The following TRDN variants were observed in gnomAD, a reference collection of about 807,000 sequenced individuals.
TRDN encodes the protein triadin, also known as triadin in skeletal muscle.
Under a neutral mutation model 149.7 loss-of-function variants are expected in TRDN, and 161 were observed. The ratio of observed to expected loss-of-function variants is 1.08; its 90% CI spans 0.95 to 1.23. TRDN has a LOEUF of 1.23. TRDN is among the 50% of genes most tolerant of loss of function. The probability of loss-of-function intolerance (pLI) is 0.00; values close to 1 mark genes in which losing one functional copy is unlikely to be tolerated. For missense variants in TRDN, 896 were observed against 823.5 expected (o/e 1.09, Z -1.08); for synonymous variants, 294 against 250.5 (o/e 1.17, Z -1.64).
At chr6:123,518,665 T>C (rs887941475) in intron 5 of TRDN, among the ~76,000 whole-genome samples, 1 of 152,172 alleles carries the variant, frequency 6.6e-6, no homozygotes, top group African/African-American at 2.4e-5. Context: ...TAATGCCTCA[T>C]TCCTGTTACC....
rs557107899 is a variant in TRDN, at chr6:123,292,900, C to G, written c.1511-13818G>C. ...CTCTTCTTCCTGATTGTAATACTTC[C>G]TTTGTATCACTTTAGCCAATCCCTT... is the stretch of plus-strand genomic sequence containing the variant. On this transcript the variant is annotated intron_variant, in intron 24 of 40. Transcript: ENST00000334268. Among the ~76,000 whole-genome samples the G allele has an allele frequency of 2.0e-5, 3 of 152,252 alleles. No homozygotes were observed. In the East Asian group the frequency reaches 5.8e-4, roughly 29 times the overall value.
intron 23 of TRDN, among the ~76,000 whole-genome samples, chr6:123,320,832 T>A (rs1779216289): frequency 6.6e-6 from 1 of 152,138 alleles, no homozygotes; most frequent in Admixed American, 6.6e-5. Context: ...GGTTTCTATT[T>A]TTTTTCAAGC....
At chr6:123,279,358 G>A in intron 24 of TRDN, among the ~76,000 whole-genome samples, 1 of 152,094 alleles carries the variant, frequency 6.6e-6, no homozygotes, top group Non-Finnish European at 1.5e-5. Context: ...TATAGAAGTA[G>A]CCATAGATAA....
intron 14 of TRDN, among the ~76,000 whole-genome samples, chr6:123,385,433 A>AG (rs1288330037): frequency 0.011 from 1,687 of 148,150 alleles, 38 homozygotes; most frequent in African/African-American, 0.037. Flanking sequence ...CAAAAAAAAA[A>AG]AGAAAAAAAA....
At chr6:123,303,784 T>C (rs2114675407) in intron 24 of TRDN, among the ~76,000 whole-genome samples, 1 of 152,284 alleles carries the variant, frequency 6.6e-6, no homozygotes, top group African/African-American at 2.4e-5. Flanking sequence ...AACCTAGCAC[T>C]GTTCCCTACA....
chr6:123,522,984 C>T (rs532185974), intron 5 of TRDN, among the ~76,000 whole-genome samples: 1 of 152,202 alleles, frequency 6.6e-6, no homozygotes, highest in African/African-American at 2.4e-5. Flanking sequence ...TGCCCTAGAA[C>T]ATACATGAAG....
chr6:123,352,786 ATCT>A (rs907638192), intron 20 of TRDN, among the ~76,000 whole-genome samples, 200 bp from the exon 21 acceptor site: 6 of 152,040 alleles, frequency 3.9e-5, no homozygotes, highest in African/African-American at 1.4e-4. Flanking sequence ...AAAAGTGATA[ATCT>A]TCTGCCTACA....
chr6:123,497,847 A>G (rs138158806), intron 8 of TRDN, among the ~76,000 whole-genome samples: 3 of 152,324 alleles, frequency 2.0e-5, no homozygotes, highest in East Asian at 1.9e-4. Context: ...TTGTTAAACT[A>G]ATCAAATGAG....
chr6:123,611,890 A>G (rs1784830396), intron 1 of TRDN, among the ~76,000 whole-genome samples: 1 of 152,162 alleles, frequency 6.6e-6, no homozygotes, highest in Admixed American at 6.5e-5. Context: ...ACATCTACAC[A>G]TTCCCAAAAT....
chr6:123,230,164 A>G (rs1219655692), intron 38 of TRDN, among the ~76,000 whole-genome samples: 1 of 152,040 alleles, frequency 6.6e-6, no homozygotes, highest in Non-Finnish European at 1.5e-5. Context: ...AGACTGGAAT[A>G]AGAAAATGCA....
intron 12 of TRDN, among the ~76,000 whole-genome samples, chr6:123,425,457 T>C (rs1192149243): frequency 6.6e-6 from 1 of 151,886 alleles, no homozygotes; most frequent in Non-Finnish European, 1.5e-5. Context: ...ATAAGAATGG[T>C]TTTAAATTTA....
chr6:123,221,382 A>T (rs996845058), intron 40 of TRDN, 105 bp downstream of exon 40: 4 of 668,744 alleles, frequency 6.0e-6, no homozygotes, highest in East Asian at 6.5e-5. Flanking sequence ...ATGCTAAAAA[A>T]TTTTTTCTTC....
chr6:123,491,175 T>C (rs941940339), intron 9 of TRDN, among the ~76,000 whole-genome samples: 1 of 131,000 alleles, frequency 7.6e-6, no homozygotes, highest in African/African-American at 2.9e-5. Flanking sequence ...TGTTTTATTA[T>C]GAAATGAAGA....
chr6:123,525,094 A>T (rs1319172796), intron 5 of TRDN, among the ~76,000 whole-genome samples: 1 of 152,126 alleles, frequency 6.6e-6, no homozygotes, highest in Non-Finnish European at 1.5e-5. Flanking sequence ...ACACTTATAC[A>T]CTGTTAATGG....
intron 23 of TRDN, 41 bp from the exon 24 acceptor site, chr6:123,316,536 G>GA (rs774387516): frequency 5.1e-6 from 8 of 1,580,076 alleles, no homozygotes; most frequent in South Asian, 2.3e-5. Flanking sequence ...AAACAAAAGG[G>GA]AAAAAAATAA....
At chr6:123,496,475 A>G (rs916372558) in intron 9 of TRDN, among the ~76,000 whole-genome samples, 3 of 152,104 alleles carry the variant, frequency 2.0e-5, no homozygotes, top group Non-Finnish European at 4.4e-5. Context: ...CCTTAACAAT[A>G]CTGTCTTCTT....
intron 12 of TRDN, among the ~76,000 whole-genome samples, chr6:123,399,945 C>G (rs1015532541): frequency 2.0e-5 from 3 of 152,032 alleles, no homozygotes; most frequent in Non-Finnish European, 4.4e-5. Context: ...AGTTAGGACT[C>G]AAACACAAAT....
chr6:123,313,308 C>A (rs757282416), intron 24 of TRDN, among the ~76,000 whole-genome samples: 3 of 151,928 alleles, frequency 2.0e-5, no homozygotes, highest in Non-Finnish European at 2.9e-5. Context: ...TCAGACTCTG[C>A]TCAGTTCTGA....
In TRDN at chr6:123,346,917, C is replaced by A. The variant is rs559714374; in HGVS notation, c.1369+5622G>T. Reference sequence around the variant, plus strand: ...AATGAAAGAAGACTTCACAGAAACACTGGCATTTGTGATGGATTCAAAAAC... The same window carrying A: ...AATGAAAGAAGACTTCACAGAAACAATGGCATTTGTGATGGATTCAAAAAC... On this transcript the variant is annotated intron_variant, in intron 21 of 40. Transcript: ENST00000334268. Among the ~76,000 whole-genome samples, 12 of 151,926 alleles carry A rather than the reference C, an allele frequency of 7.9e-5. No homozygotes were observed. The South Asian group carries it at 2.3e-3, about 29-fold the overall frequency.
Sources: gnomAD v4.1 joint callset for allele counts (sites outside exome capture counted in the v4.1 genomes callset) on GRCh38, gnomAD v4.1.1 for gene constraint, MANE v1.5 for transcripts, NCBI Gene and HGNC (gene_info 2026-07-23, HGNC 2026-07-21) for gene names.